The following PLEC variants were observed in gnomAD, a reference collection of about 807,000 sequenced individuals.
PLEC encodes the protein plectin.
PLEC carries 216 observed loss-of-function variants against 392.8 expected under a neutral mutation model. That is an observed-to-expected ratio of 0.55 (90% CI 0.49 to 0.62). The LOEUF (loss-of-function observed/expected upper bound fraction) is 0.62, where lower values mean the gene tolerates loss of function less well. Ranked by LOEUF, PLEC falls within the 20% of genes least tolerant of loss-of-function variation. The pLI, the probability that PLEC is intolerant of heterozygous loss-of-function variation, is 0.00. For missense variants in PLEC, 6,863 were observed against 6,563.4 expected (o/e 1.05, Z -1.58); for synonymous variants, 3,621 against 2,980.6 (o/e 1.21, Z -7.00).
chr8:143,952,177 T>A (rs1554737139), upstream of PLEC, among the ~76,000 whole-genome samples: 1 of 113,560 alleles, frequency 8.8e-6, no homozygotes, highest in Non-Finnish European at 1.9e-5. Context: ...CGGTGCAGGC[T>A]CCAAACACAC....
chr8:143,931,838 T>C (rs1387489154), intron 18 of PLEC, 99 bp downstream of exon 18: 24 of 1,424,074 alleles, frequency 1.7e-5, no homozygotes, highest in Non-Finnish European at 2.2e-5. Flanking sequence ...TGGCAACGTC[T>C]GCAGACAGGA....
chr8:143,954,155 C>A (rs921122751), upstream of PLEC, among the ~76,000 whole-genome samples: 2 of 151,800 alleles, frequency 1.3e-5, no homozygotes, highest in Non-Finnish European at 2.9e-5. The surrounding 1 kb of genome is among the most constrained non-coding windows in gnomAD (Gnocchi z 4.6). Context: ...GTGGGACACA[C>A]GTGCGAGGGC....
rs1554718454 is a variant in PLEC at position 143,932,939 on chromosome 8, A to G, written c.1591T>C (p.Trp531Arg). Residue 531 changes from tryptophan to arginine, a missense_variant, in exon 14 of 32, where the codon TGG becomes CGG. Coordinates refer to ENST00000345136, the MANE Select transcript of PLEC (RefSeq NM_201384.3). ...TLRYLQDLLAWVEENQHRVDG... is the reference protein window; with the variant it reads ...TLRYLQDLLARVEENQHRVDG... The stretch of plus-strand genomic sequence containing the variant: ...ACACGGTGCTGGTTCTCCTCCACCC[A>G]GGCCAGCAGGTCCTGCAGGTAGCGC... The G allele has an allele frequency of 3.1e-6, 5 of 1,612,618 alleles. No individual in the cohort carries two copies. The highest frequency in any genetic ancestry group is 4.2e-6 in the Non-Finnish European group (5 of 1,179,894).
intron 5 of PLEC, among the ~76,000 whole-genome samples, chr8:143,936,699 C>A (rs1180798547): frequency 2.0e-5 from 3 of 152,234 alleles, no homozygotes; most frequent in Non-Finnish European, 4.4e-5. Context: ...AGGGCAGGCA[C>A]CGGGGCCTGC....
upstream of PLEC, among the ~76,000 whole-genome samples, chr8:143,974,635 A>C (rs1223153436): frequency 3.9e-5 from 6 of 152,202 alleles, 1 homozygote; most frequent in Admixed American, 2.6e-4. The surrounding 1 kb of genome is among the most constrained non-coding windows in gnomAD (Gnocchi z 5.9). Flanking sequence ...GCCAAAGCCT[A>C]GAGAGCTACT....
upstream of PLEC, among the ~76,000 whole-genome samples, chr8:143,951,045 C>G (rs1554736357): frequency 6.6e-6 from 1 of 152,362 alleles, no homozygotes; most frequent in Admixed American, 6.5e-5. Flanking sequence ...CCTCAAGAGG[C>G]AGCGGCCACC....
upstream of PLEC, among the ~76,000 whole-genome samples, chr8:143,973,846 T>G (rs1312884084): frequency 6.6e-6 from 1 of 150,804 alleles, no homozygotes; most frequent in Non-Finnish European, 1.5e-5. This position sits in a 1 kb window ranked among gnomAD's most constrained non-coding sequence, Gnocchi z 5.6. Flanking sequence ...GACGCTCCCC[T>G]GCCCGCCCCC....
chr8:143,932,217 C>T lies in PLEC; in HGVS notation c.1995G>A (p.Leu665=), dbSNP rs1421224004. The T allele has an allele frequency of 7.4e-6, 12 of 1,612,234 alleles. No homozygotes were observed. Among genetic ancestry groups the T allele is most frequent in the South Asian group, 1.1e-5 (1 of 91,084 alleles). The change falls in exon 17 of 32, where the codon CTG becomes CTA. Residue 665 remains leucine (L), a synonymous_variant. Coordinates refer to ENST00000345136, the MANE Select transcript of PLEC (RefSeq NM_201384.3). ...CCTTGATCTTCTTCTCCTTCAGCTC[C>T]AGCTCCCGCATCAGCGCCTGGCACC... ...KESYSALMRE[L]ELKEKKIKEL... is the part of the protein sequence containing the mutation.
intron 1 of PLEC, among the ~76,000 whole-genome samples, chr8:143,967,362 C>CAAAAAA (rs869137248): frequency 9.4e-4 from 44 of 46,796 alleles, no homozygotes; most frequent in East Asian, 2.6e-3. Context: ...GACTCCATCT[C>CAAAAAA]AAAAAAAAAA....
rs553688147 is a variant in PLEC, at chr8:143,919,900, G to A, written c.9921C>T (p.Gly3307=). The A allele has an allele frequency of 1.5e-5, 24 of 1,613,106 alleles. No homozygotes were observed. The South Asian group carries it at 2.2e-4, about 15-fold the overall frequency. The change falls in exon 32 of 32, where the codon GGC becomes GGT. Residue 3307 remains glycine (G), a synonymous_variant. Transcript: ENST00000345136. ...CGCTGGCTGGCACAGGGGCACGGAG[G>A]CCGCTGAAGGACAGCCTCTCCTGCC... ...TLRQERLSFS[G]LRAPVPASEL...
rs375422079 is a variant in PLEC at position 143,924,114 on chromosome 8, C to T, written c.5815G>A (p.Ala1939Thr). The change falls in exon 31 of 32, where the codon GCT becomes ACT. Residue 1939 changes from alanine (A) to threonine (T), a missense_variant. Ala to Thr is a moderately conservative substitution (Grantham distance 58, BLOSUM62 0). Coordinates refer to ENST00000345136, the MANE Select transcript of PLEC (RefSeq NM_201384.3). ...ALKASFEKAA[A>T]GKAELELELG... ...TCCAGCTCCAGCTCCGCCTTGCCAG[C>T]GGCCGCCTTCTCGAAGCTCGCCTTC... 5.8e-5 allele frequency: 93 copies of T among 1,598,680 alleles called. 2 individuals are homozygous for T. Among genetic ancestry groups the T allele is most frequent in the South Asian group, 4.0e-4 (36 of 91,018 alleles).
intron 1 of PLEC, among the ~76,000 whole-genome samples, chr8:143,971,012 G>C (rs148517269): frequency 6.6e-6 from 1 of 152,218 alleles, no homozygotes; most frequent in Non-Finnish European, 1.5e-5. Flanking sequence ...AGAATGGGGG[G>C]GCTGAGGGGC....
rs1554723894 is a variant in PLEC, at chr8:143,936,994, G to A, written c.420C>T (p.Ile140=). ...PKLTLGLIWT[I]ILHFQISDIQ... is the part of the protein sequence containing the mutation. ...GCCGTTCTACCTGGAAGTGCAGAATGATTGTCCAGATGAGGCCAAGGGTCA... is the reference window on the plus strand; with the variant it reads ...GCCGTTCTACCTGGAAGTGCAGAATAATTGTCCAGATGAGGCCAAGGGTCA... The change falls in exon 5 of 32, where the codon ATC becomes ATT. Residue 140 remains isoleucine (I), a synonymous_variant. Coordinates refer to ENST00000345136, the MANE Select transcript of PLEC (RefSeq NM_201384.3). 6.2e-7 allele frequency: 1 copy of A among 1,612,160 alleles called. No homozygotes were observed. Among genetic ancestry groups the A allele is most frequent in the African/African-American group, 1.3e-5 (1 of 74,928 alleles).
rs370036069 is a variant in PLEC, at chr8:143,960,785, T to C, written c.70+12618A>G. 4.6e-5 allele frequency among the ~76,000 whole-genome samples: 7 copies of C among 152,354 alleles called. No individual in the cohort carries two copies. The East Asian group carries it at 5.8e-4, about 13-fold the overall frequency. Reference sequence around the variant, plus strand: ...TGTCTCCCCCCACCCACACACACAGTGTGAAAATCACTGTTAGTGGCTTCC... The same window carrying C: ...TGTCTCCCCCCACCCACACACACAGCGTGAAAATCACTGTTAGTGGCTTCC... On this transcript the variant is annotated intron_variant, in intron 1 of 31. Transcript: ENST00000356346.
chr8:143,942,347 C>T (rs1554729271), upstream of PLEC: 5 of 1,594,906 alleles, frequency 3.1e-6, no homozygotes, highest in African/African-American at 2.7e-5. Flanking sequence ...TAGGTGAGAG[C>T]GATGGTGGCC....
At position 143,916,495 on chromosome 8, in the gene PLEC, G is replaced by A; in HGVS notation, c.13326C>T (p.Leu4442=). ...SKYLTCPKTK[L]KISYKDALDR... ...CCAGCGCGTCCTTATAGGAGATCTTGAGCTTGGTCTTAGGGCAGGTGAGGT... is the reference window on the plus strand; with the variant it reads ...CCAGCGCGTCCTTATAGGAGATCTTAAGCTTGGTCTTAGGGCAGGTGAGGT... The change falls in exon 32 of 32, where the codon CTC becomes CTT. Residue 4442 remains leucine, a synonymous_variant. Transcript: ENST00000345136. 1 of 1,611,552 alleles carries A rather than the reference G, an allele frequency of 6.2e-7. No homozygotes were observed. Among genetic ancestry groups the A allele is most frequent in the Non-Finnish European group, 8.5e-7 (1 of 1,179,382 alleles).
intron 1 of PLEC, among the ~76,000 whole-genome samples, chr8:143,965,695 G>T (rs78662733): frequency 0.044 from 6,732 of 152,254 alleles, 538 homozygotes; most frequent in African/African-American, 0.15. Flanking sequence ...GAGGCCACAG[G>T]GCACCACTGC....
chr8:143,931,447 A>C (rs1554715109), intron 19 of PLEC, 87 bp downstream of exon 19: 1 of 1,443,332 alleles, frequency 6.9e-7, no homozygotes, highest in African/African-American at 1.4e-5. Context: ...TGGCCCCTCC[A>C]GTTGCCCCCT....
Position 143,958,947 on chromosome 8 carries a change from C to T in PLEC, c.70+14456G>A, listed in dbSNP as rs1554739996. ...AACTCTGTTAATATCGTTGACTTCACTAGCAGATTAAAGGAGAAAACCGGT... is the reference window on the plus strand; with the variant it reads ...AACTCTGTTAATATCGTTGACTTCATTAGCAGATTAAAGGAGAAAACCGGT... On this transcript the variant is annotated intron_variant, in intron 1 of 31. Transcript: ENST00000356346. The surrounding 1 kb of genome is among the most constrained non-coding windows in gnomAD (Gnocchi z 4.9). The T allele has an allele frequency of 5.4e-6, 1 of 186,524 alleles. No homozygotes were observed. The highest frequency in any genetic ancestry group is 1.2e-5 in the Non-Finnish European group (1 of 85,748). The allele number at this position is 186,524 out of a possible 1,614,324, so 11.6% of individuals were successfully genotyped here.
Sources: gnomAD v4.1 joint callset for allele counts (sites outside exome capture counted in the v4.1 genomes callset) on GRCh38, gnomAD v4.1.1 for gene constraint, Gnocchi (gnomAD v3.1) non-coding constraint, MANE v1.5 for transcripts, NCBI Gene and HGNC (gene_info 2026-07-23, HGNC 2026-07-21) for gene names.